The following ZIM2 variants were observed in gnomAD, a reference collection of about 807,000 sequenced individuals.
The protein encoded by ZIM2 is zinc finger imprinted 2, also known as zinc finger protein 656.
ZIM2 carries 14 observed loss-of-function variants against 38.6 expected under a neutral mutation model. The observed-to-expected ratio is 0.36, with a 90% confidence interval of 0.24 to 0.57. ZIM2 has a LOEUF of 0.57. Ranked by LOEUF, ZIM2 falls within the 20% of genes least tolerant of loss-of-function variation. The pLI, the probability that ZIM2 is intolerant of heterozygous loss-of-function variation, is 0.81. For synonymous variants in ZIM2, 247 were observed against 245.8 expected (o/e 1.00, Z -0.04); for missense variants, 680 against 695.1 (o/e 0.98, Z 0.24).
At chr19:56,822,569 A>C in intron 6 of ZIM2, 184 bp downstream of exon 6, 1 of 694,238 alleles carries the variant, frequency 1.4e-6, no homozygotes, top group Non-Finnish European at 2.4e-6. Flanking sequence ...CTATGTGGTG[A>C]AACCTGTGCT....
At chr19:56,820,947 C>T (rs973009343) in intron 7 of ZIM2, among the ~76,000 whole-genome samples, 2 of 152,178 alleles carry the variant, frequency 1.3e-5, no homozygotes, top group Non-Finnish European at 2.9e-5. Context: ...GGTCCTCCTC[C>T]ACACTCCACC....
rs1465173960 is a variant in ZIM2, at chr19:56,802,394, CACT to C, written c.491-12446_491-12444del. 4.6e-5 allele frequency among the ~76,000 whole-genome samples: 7 copies of C among 152,262 alleles called. No homozygotes were observed. In the South Asian group the frequency reaches 1.5e-3, roughly 32 times the overall value. ...AATATAAACTAGATCAAACGAGATG[CACT>C]AAAAGGGATGGCCCCAATGATTAAA... On this transcript the variant is annotated intron_variant, in intron 9 of 12. Transcript: ENST00000629319.
rs142165445 is a variant in ZIM2, at chr19:56,814,485, T to C, written c.490+3261A>G. ...CTCCTTTGAGGGGCTCAGTAAGAAA[T>C]GAGGTGTGAGTATAGGAGGACCCGT... On this transcript the variant is annotated intron_variant, in intron 9 of 12. Transcript: ENST00000629319. The surrounding 1 kb of genome is among the most constrained non-coding windows in gnomAD (Gnocchi z 5.8). 2.2e-5 allele frequency: 35 copies of C among 1,613,268 alleles called. No individual in the cohort carries two copies. In the African/African-American group the frequency reaches 4.4e-4, roughly 20 times the overall value.
chr19:56,813,931 T>A lies in ZIM2; in HGVS notation c.490+3815A>T, dbSNP rs779784003. ...TTCTGTGCATTCATGGCAGTCATAG[T>A]ATGGTTCTTCTACCTGAATCTCTTG... On this transcript the variant is annotated intron_variant, in intron 9 of 12. Transcript: ENST00000629319. 7 of 1,614,088 alleles carry A rather than the reference T, an allele frequency of 4.3e-6. No homozygotes were observed. The African/African-American group carries it at 9.3e-5, about 22-fold the overall frequency.
intron 9 of ZIM2, among the ~76,000 whole-genome samples, chr19:56,795,448 C>T (rs2047156343): frequency 2.0e-5 from 3 of 152,240 alleles, no homozygotes; most frequent in Admixed American, 6.5e-5. Context: ...TATCCTACCC[C>T]GGGCCCAGCG....
Position 56,774,847 on chromosome 19 carries a change from G to A in ZIM2, c.1518C>T (p.Phe506=), listed in dbSNP as rs1270977203. 4 of 1,614,128 alleles carry A rather than the reference G, an allele frequency of 2.5e-6. No homozygotes were observed. Among genetic ancestry groups the A allele is most frequent in the East Asian group, 4.5e-5 (2 of 44,874 alleles). ...ACQCCDCGRV[F]SRNSYLIQHY... Reference sequence around the variant, plus strand: ...GCTGAATGAGATATGAATTCCGACTGAAGACTCTGCCACAGTCACAACACT... The same window carrying A: ...GCTGAATGAGATATGAATTCCGACTAAAGACTCTGCCACAGTCACAACACT... Residue 506 remains phenylalanine, a synonymous_variant, in exon 13 of 13, where the codon TTC becomes TTT. Transcript: ENST00000629319.
At chr19:56,785,824 A>G (rs1452507902) in intron 10 of ZIM2, among the ~76,000 whole-genome samples, 1 of 152,218 alleles carries the variant, frequency 6.6e-6, no homozygotes, top group East Asian at 1.9e-4. Flanking sequence ...CAGTTGGTGG[A>G]AGTGGGGCCA....
intron 9 of ZIM2, chr19:56,790,166 G>A: frequency 2.5e-6 from 1 of 398,116 alleles, no homozygotes; most frequent in Non-Finnish European, 4.4e-6. Context: ...ATGCTTCAAT[G>A]GCTCCCACTG....
Position 56,775,527 on chromosome 19 carries a change from C to G in ZIM2, c.838G>C (p.Glu280Gln). Residue 280 changes from glutamate to glutamine, a missense_variant and splice_region_variant, in exon 13 of 13, where the codon GAG becomes CAG. Glu to Gln is a conservative substitution (Grantham distance 29, BLOSUM62 2). Coordinates refer to ENST00000629319, the MANE Select transcript of ZIM2 (RefSeq NM_001387356.1). ...DSRHTVICQG[E>Q]SHDDPLEPHQ... is the part of the protein sequence containing the mutation. ...GGTTCCAATGGATCATCATGAGACTCTCCTGCAGAGACAATGCCAGAAGTT... is the reference window on the plus strand; with the variant it reads ...GGTTCCAATGGATCATCATGAGACTGTCCTGCAGAGACAATGCCAGAAGTT... The G allele has an allele frequency of 2.5e-6, 4 of 1,600,668 alleles. No individual in the cohort carries two copies. Among genetic ancestry groups the G allele is most frequent in the Non-Finnish European group, 3.4e-6 (4 of 1,173,742 alleles).
intron 9 of ZIM2, chr19:56,810,387 A>G (rs1204736491): frequency 2.0e-5 from 20 of 985,278 alleles, no homozygotes; most frequent in Non-Finnish European, 2.3e-5. Flanking sequence ...CACAACAACC[A>G]CACAACTATT....
chr19:56,836,946 G>T (rs1351091392), intron 1 of ZIM2, among the ~76,000 whole-genome samples: 1 of 141,130 alleles, frequency 7.1e-6, no homozygotes, highest in Non-Finnish European at 1.5e-5. Flanking sequence ...CTCCAGCCTG[G>T]GTGAGAGGGC....
chr19:56,783,630 A>C (rs1186859803), intron 10 of ZIM2, among the ~76,000 whole-genome samples: 1 of 152,208 alleles, frequency 6.6e-6, no homozygotes, highest in East Asian at 1.9e-4. Context: ...CACTGGGTAT[A>C]CATGGTCATT....
Position 56,817,846 on chromosome 19 carries a change from C to A in ZIM2, c.398-8G>T. The A allele has an allele frequency of 5.0e-6, 8 of 1,611,550 alleles. No individual in the cohort carries two copies. Among genetic ancestry groups the A allele is most frequent in the Non-Finnish European group, 6.8e-6 (8 of 1,178,036 alleles). ...CTTCAGCAAGCTGCACTCCTGGTCA[C>A]AAGGACAATATGATGCCTCAAATTC... On this transcript the variant is annotated splice_region_variant and splice_polypyrimidine_tract_variant and intron_variant, in intron 8 of 12. Transcript: ENST00000629319.
intron 9 of ZIM2, among the ~76,000 whole-genome samples, chr19:56,809,026 C>A (rs2047918408): frequency 2.0e-5 from 3 of 152,150 alleles, no homozygotes; most frequent in Admixed American, 2.0e-4. Flanking sequence ...AAGTTAGTTA[C>A]CCCTTCAACT....
intron 9 of ZIM2, among the ~76,000 whole-genome samples, chr19:56,795,998 C>T (rs1029579529): frequency 5.3e-5 from 8 of 152,116 alleles, no homozygotes; most frequent in African/African-American, 1.9e-4. Flanking sequence ...AGTGAAAACC[C>T]TTCCTCACAC....
In ZIM2 at chr19:56,815,226, C is replaced by A. The variant is rs111898886; in HGVS notation, c.490+2520G>T. On this transcript the variant is annotated intron_variant, in intron 9 of 12. Coordinates refer to ENST00000629319, the MANE Select transcript of ZIM2 (RefSeq NM_001387356.1). ...GACCATGGGTCTCCTCGCTGTGGGT[C>A]TCCTCCCCATCAGTATTCTCGCCTT... 801 of 1,614,020 alleles carry A rather than the reference C, an allele frequency of 5.0e-4. 3 individuals carry two copies. The African/African-American group carries it at 8.8e-3, about 18-fold the overall frequency.
intron 10 of ZIM2, among the ~76,000 whole-genome samples, chr19:56,784,233 G>A (rs1019611493): frequency 1.3e-5 from 2 of 152,152 alleles, no homozygotes; most frequent in Non-Finnish European, 2.9e-5. Context: ...GTTTCTCAAA[G>A]GAGTCTGTGA....
intron 2 of ZIM2, among the ~76,000 whole-genome samples, chr19:56,827,318 T>C (rs2061138328): frequency 6.6e-6 from 1 of 152,160 alleles, no homozygotes; most frequent in Admixed American, 6.5e-5. Context: ...AATCTTCCCT[T>C]AACATGCTCA....
At chr19:56,820,217 A>G (rs181670308) in intron 7 of ZIM2, among the ~76,000 whole-genome samples, 46 of 152,380 alleles carry the variant, frequency 3.0e-4, no homozygotes, top group African/African-American at 1.0e-3. Flanking sequence ...AGTTTTCACA[A>G]CATGATCTAT....
Sources: gnomAD v4.1 joint callset for allele counts (sites outside exome capture counted in the v4.1 genomes callset) on GRCh38, gnomAD v4.1.1 for gene constraint, Gnocchi (gnomAD v3.1) non-coding constraint, MANE v1.5 for transcripts, NCBI Gene and HGNC (gene_info 2026-07-23, HGNC 2026-07-21) for gene names.